NECTIN3: variants seen among roughly 807,000 people sequenced by gnomAD.
NECTIN3 encodes nectin-3.
A neutral mutation model predicts 49.4 loss-of-function variants in NECTIN3; 8 were observed. That is an observed-to-expected ratio of 0.16 (90% CI 0.10 to 0.29). The LOEUF is 0.29. Ranked by LOEUF, NECTIN3 falls within the 10% of genes least tolerant of loss-of-function variation. NECTIN3 has a pLI of 1.00. For missense variants in NECTIN3, 581 were observed against 654.6 expected (o/e 0.89, Z 1.23); for synonymous variants, 277 against 241.1 (o/e 1.15, Z -1.38).
chr3:111,072,238 G>A, intron 1 of NECTIN3, 61 bp downstream of exon 1: 2 of 1,491,646 alleles, frequency 1.3e-6, no homozygotes, highest in South Asian at 2.6e-5. Context: ...TGCGGGCGCC[G>A]CGGCCGGCTC....
At chr3:111,072,732 C>T in intron 1 of NECTIN3, 1 of 711,854 alleles carries the variant, frequency 1.4e-6, no homozygotes, top group Non-Finnish European at 2.3e-6. Flanking sequence ...CGGCTCTGCC[C>T]TGACAGCTTC....
chr3:111,087,855 G>A (rs111380719), intron 1 of NECTIN3, among the ~76,000 whole-genome samples: 4,110 of 151,732 alleles, frequency 0.027, 203 homozygotes, highest in African/African-American at 0.094. Flanking sequence ...CCGCTACCAC[G>A]CCTGGCAAAT....
intron 1 of NECTIN3, among the ~76,000 whole-genome samples, chr3:111,101,015 CTG>C (rs1363646366): frequency 6.6e-6 from 1 of 152,062 alleles, no homozygotes; most frequent in Non-Finnish European, 1.5e-5. Context: ...GGGAAGATAA[CTG>C]TTGAAAGCCA....
At chr3:111,132,835 A>G (rs1207365199) in intron 5 of NECTIN3, among the ~76,000 whole-genome samples, 1 of 151,972 alleles carries the variant, frequency 6.6e-6, no homozygotes, top group Non-Finnish European at 1.5e-5. Context: ...ATGTTTAGAT[A>G]ACTTGCCCAT....
At chr3:111,127,762 C>A (rs1481780456) in intron 5 of NECTIN3, among the ~76,000 whole-genome samples, 2 of 151,810 alleles carry the variant, frequency 1.3e-5, no homozygotes, top group Non-Finnish European at 1.5e-5. Flanking sequence ...CAGGGGTGGT[C>A]TCTCTATGTT....
intron 1 of NECTIN3, chr3:111,193,350 T>C: frequency 3.3e-6 from 5 of 1,535,586 alleles, no homozygotes; most frequent in African/African-American, 1.4e-5. Context: ...TAAGAGAGTC[T>C]ACATCGACCC....
intron 7 of NECTIN3, among the ~76,000 whole-genome samples, chr3:111,159,650 G>A (rs908733560): frequency 4.6e-5 from 7 of 152,116 alleles, no homozygotes; most frequent in South Asian, 2.1e-4. Context: ...TACTCAAGGC[G>A]AAATTTCCTC....
chr3:111,193,131 C>G, intron 1 of NECTIN3: 2 of 1,346,224 alleles, frequency 1.5e-6, no homozygotes, highest in Non-Finnish European at 2.0e-6. Flanking sequence ...CTATTCTTGC[C>G]TGTTTTTACC....
intron 1 of NECTIN3, among the ~76,000 whole-genome samples, chr3:111,108,710 G>A (rs2033320767): frequency 6.6e-6 from 1 of 152,234 alleles, no homozygotes; most frequent in South Asian, 2.1e-4. Flanking sequence ...GTGAAGGGGA[G>A]CCAACATGTT....
Position 111,137,231 on chromosome 3 carries a change from A to G in NECTIN3, c.*3016A>G, listed in dbSNP as rs1329543218. Reference sequence around the variant, plus strand: ...TATGTATGAAAGTAATCAATGTAAAATATAAGAAAGGAATAAATGGTACCC... The same window carrying G: ...TATGTATGAAAGTAATCAATGTAAAGTATAAGAAAGGAATAAATGGTACCC... On this transcript the variant is annotated 3_prime_UTR_variant, in exon 6 of 6. Transcript: ENST00000485303. 3.2e-6 allele frequency: 3 copies of G among 933,818 alleles called. No homozygotes were observed. The highest frequency in any genetic ancestry group is 3.8e-6 in the Non-Finnish European group (3 of 783,294). 57.8% of individuals were successfully genotyped at this position (933,818 alleles called of 1,614,324 possible). A position where few individuals can be genotyped will look rare whatever the true frequency, so the allele number is the denominator to read the frequency against.
chr3:111,132,705 T>C (rs2107492136), intron 5 of NECTIN3, among the ~76,000 whole-genome samples: 1 of 152,060 alleles, frequency 6.6e-6, no homozygotes, highest in South Asian at 2.1e-4. Context: ...TTCCTTTGCA[T>C]CTAATATTTA....
At chr3:111,099,601 T>C (rs1039558188) in intron 1 of NECTIN3, among the ~76,000 whole-genome samples, 2 of 152,228 alleles carry the variant, frequency 1.3e-5, no homozygotes, top group Admixed American at 1.3e-4. Context: ...TCCTATATTT[T>C]GCCTGTATTA....
chr3:111,151,301 T>C (rs1166169472), intron 7 of NECTIN3, among the ~76,000 whole-genome samples: 1 of 151,942 alleles, frequency 6.6e-6, no homozygotes, highest in African/African-American at 2.4e-5. Context: ...CCCTTTTTTA[T>C]ATTCTCTTCA....
At chr3:111,089,268 T>A (rs2032111555) in intron 1 of NECTIN3, among the ~76,000 whole-genome samples, 1 of 152,004 alleles carries the variant, frequency 6.6e-6, no homozygotes, top group Non-Finnish European at 1.5e-5. Flanking sequence ...TTGATTCTAT[T>A]TTATGTTTGT....
At chr3:111,127,295 A>G (rs2107480816) in intron 5 of NECTIN3, among the ~76,000 whole-genome samples, 1 of 152,232 alleles carries the variant, frequency 6.6e-6, no homozygotes, top group Middle Eastern at 3.4e-3. Flanking sequence ...AGTCCAAGAA[A>G]AGTACCACGT....
chr3:111,192,187 T>A (rs186841197), upstream of NECTIN3, among the ~76,000 whole-genome samples: 25 of 152,282 alleles, frequency 1.6e-4, no homozygotes, highest in East Asian at 4.4e-3. Context: ...TGAAACTCTT[T>A]AAAAAAATAT....
At chr3:111,095,317 A>G (rs777181804) in intron 1 of NECTIN3, among the ~76,000 whole-genome samples, 6 of 152,228 alleles carry the variant, frequency 3.9e-5, no homozygotes, top group Non-Finnish European at 7.3e-5. Context: ...ATTGAGTTTT[A>G]TATTCAAGAA....
chr3:111,139,836 A>T (rs2034695615), downstream of NECTIN3, among the ~76,000 whole-genome samples: 1 of 151,842 alleles, frequency 6.6e-6, no homozygotes, highest in African/African-American at 2.4e-5. Flanking sequence ...GCATTATAAA[A>T]TATTCAAAAA....
At chr3:111,122,401 C>T (rs1170227601) in intron 4 of NECTIN3, among the ~76,000 whole-genome samples, 163 bp downstream of exon 4, 2 of 151,934 alleles carry the variant, frequency 1.3e-5, no homozygotes, top group East Asian at 1.9e-4. Context: ...ACCTTCCTAC[C>T]CCCTCAGTTC....
Sources: allele counts gnomAD v4.1 joint callset (sites outside exome capture counted in the v4.1 genomes callset), GRCh38; gene constraint gnomAD v4.1.1; transcripts MANE v1.5; gene names NCBI Gene and HGNC (gene_info 2026-07-23, HGNC 2026-07-21).